Variants in SYN3 observed in about 807,000 individuals in gnomAD.
SYN3 encodes the protein synapsin-3.
Under a neutral mutation model 65.8 loss-of-function variants are expected in SYN3, and 35 were observed. The ratio of observed to expected loss-of-function variants is 0.53; its 90% confidence interval spans 0.41 to 0.70. The LOEUF (loss-of-function observed/expected upper bound fraction) is 0.70, where lower values mean the gene tolerates loss of function less well. Ranked by LOEUF, SYN3 falls within the 30% of genes least tolerant of loss-of-function variation. The pLI, the probability that SYN3 is intolerant of heterozygous loss-of-function variation, is 0.00. For synonymous variants in SYN3, 270 were observed against 292.9 expected, an observed-to-expected ratio of 0.92 and a Z score of 0.80; for missense variants, 680 against 749.0, an observed-to-expected ratio of 0.91 and a Z score of 1.08.
At chr22:32,880,491 G>A (rs2049100071) in intron 4 of SYN3, among the ~76,000 whole-genome samples, 1 of 152,150 alleles carries the variant, frequency 6.6e-6, no homozygotes, top group African/African-American at 2.4e-5. Flanking sequence ...AAGAGCGCTG[G>A]GCTTCTGTAT....
At chr22:32,580,257 G>A (rs2146485614) in intron 7 of SYN3, among the ~76,000 whole-genome samples, 1 of 152,324 alleles carries the variant, frequency 6.6e-6, no homozygotes, top group Non-Finnish European at 1.5e-5. Context: ...GGGTTAAGAA[G>A]AGTTTTCAAA....
chr22:32,829,497 G>A (rs898365546), intron 6 of SYN3, among the ~76,000 whole-genome samples: 8 of 152,282 alleles, frequency 5.3e-5, no homozygotes, highest in Admixed American at 1.3e-4. Flanking sequence ...GGAATTGATC[G>A]GTGCCAGATG....
chr22:32,901,184 T>C lies in SYN3; in HGVS notation c.461+30206A>G, dbSNP rs530452748. Reference sequence around the variant, plus strand: ...TAACAAGTACTTGAACATTGACTAATACACAGTTGCGTGTGACAAAGTGCC... The same window carrying C: ...TAACAAGTACTTGAACATTGACTAACACACAGTTGCGTGTGACAAAGTGCC... On this transcript the variant is annotated intron_variant, in intron 4 of 13. Coordinates refer to ENST00000358763, the MANE Select transcript of SYN3 (RefSeq NM_003490.4). Among the ~76,000 whole-genome samples the C allele has an allele frequency of 3.9e-5, 6 of 152,326 alleles. No individual in the cohort carries two copies. The South Asian group carries it at 1.0e-3, about 26-fold the overall frequency.
chr22:32,808,834 G>C (rs1448859403), intron 6 of SYN3, among the ~76,000 whole-genome samples: 1 of 152,162 alleles, frequency 6.6e-6, no homozygotes, highest in Non-Finnish European at 1.5e-5. Flanking sequence ...AAAGCTGCAT[G>C]GGAAACTCCC....
At chr22:32,761,013 G>C (rs1464728415) in intron 6 of SYN3, among the ~76,000 whole-genome samples, 2 of 152,158 alleles carry the variant, frequency 1.3e-5, no homozygotes, top group Non-Finnish European at 2.9e-5. Flanking sequence ...CCCTCTAGCA[G>C]GGGGAGCTCC....
chr22:32,629,009 AG>A (rs1358753019), intron 6 of SYN3, among the ~76,000 whole-genome samples: 3 of 152,186 alleles, frequency 2.0e-5, no homozygotes, highest in Admixed American at 6.5e-5. Context: ...CCTGATAGAA[AG>A]AGAACCTGGA....
chr22:32,751,949 C>T (rs188022059), intron 6 of SYN3, among the ~76,000 whole-genome samples: 6 of 152,268 alleles, frequency 3.9e-5, no homozygotes, highest in Admixed American at 6.5e-5. Flanking sequence ...ATAAATGATC[C>T]TTCTCTGAGG....
At chr22:32,600,351 G>A (rs187126336) in intron 6 of SYN3, among the ~76,000 whole-genome samples, 1,704 of 150,424 alleles carry the variant, frequency 0.011, 43 homozygotes, top group African/African-American at 0.04. Flanking sequence ...GGGCTCAGGC[G>A]GTCGTGCGAG....
intron 6 of SYN3, among the ~76,000 whole-genome samples, chr22:32,683,088 G>T (rs932320178): frequency 3.0e-4 from 46 of 152,320 alleles, no homozygotes; most frequent in African/African-American, 1.1e-3. Context: ...TGTGATGCGG[G>T]TTGCAGAGGA....
intron 4 of SYN3, among the ~76,000 whole-genome samples, chr22:32,897,704 C>G (rs1569311032): frequency 3.3e-5 from 5 of 152,206 alleles, no homozygotes; most frequent in Admixed American, 3.3e-4. Flanking sequence ...GCTTACCTCA[C>G]AGAGTTGTTA....
chr22:32,935,841 A>C (rs1465013213), intron 3 of SYN3, among the ~76,000 whole-genome samples: 3 of 152,222 alleles, frequency 2.0e-5, no homozygotes. Flanking sequence ...TAAGCTGTTC[A>C]ATATACTAGC....
At chr22:33,043,222 C>T (rs9609695) in intron 1 of SYN3, among the ~76,000 whole-genome samples, 25,801 of 152,092 alleles carry the variant, frequency 0.17, 2,531 homozygotes, top group East Asian at 0.41. Flanking sequence ...CTAAAGATGC[C>T]CCTACAAGGT....
At chr22:32,803,528 C>A (rs1170201989) in intron 6 of SYN3, among the ~76,000 whole-genome samples, 1 of 152,144 alleles carries the variant, frequency 6.6e-6, no homozygotes, top group African/African-American at 2.4e-5. Flanking sequence ...ACATCCTCCC[C>A]TCTCCTGGGG....
chr22:32,763,536 T>C (rs995537071), intron 6 of SYN3, among the ~76,000 whole-genome samples: 1 of 152,204 alleles, frequency 6.6e-6, no homozygotes, highest in Non-Finnish European at 1.5e-5. Flanking sequence ...AAGGCAACCC[T>C]ACACTGTTTA....
At chr22:32,614,967 GT>G (rs1267761524) in intron 6 of SYN3, among the ~76,000 whole-genome samples, 1 of 98,974 alleles carries the variant, frequency 1.0e-5, no homozygotes, top group African/African-American at 5.2e-5. Context: ...TCAGACAAAT[GT>G]TCCAAAAAAA....
chr22:32,561,542 C>T (rs2058586542), intron 7 of SYN3, among the ~76,000 whole-genome samples: 1 of 152,056 alleles, frequency 6.6e-6, no homozygotes. Flanking sequence ...GAGGACCTTT[C>T]AGTTGGGGGA....
intron 8 of SYN3, 135 bp from the exon 9 acceptor site, chr22:32,538,245 C>G: frequency 2.9e-6 from 2 of 691,422 alleles, no homozygotes; most frequent in African/African-American, 3.5e-5. Context: ...CTTACGTACA[C>G]ACCTTGTCTT....
intron 6 of SYN3, among the ~76,000 whole-genome samples, chr22:32,681,005 G>A (rs2060514801): frequency 6.6e-6 from 1 of 152,196 alleles, no homozygotes; most frequent in Non-Finnish European, 1.5e-5. Flanking sequence ...TTAAAGCTCA[G>A]CACAATCAAT....
intron 6 of SYN3, among the ~76,000 whole-genome samples, chr22:32,822,678 C>G (rs959522206): frequency 6.6e-6 from 1 of 152,148 alleles, no homozygotes; most frequent in East Asian, 1.9e-4. Context: ...ATCTGCACTT[C>G]CTCTTCTGCT....
Sources: allele counts gnomAD v4.1 joint callset (sites outside exome capture counted in the v4.1 genomes callset), GRCh38; gene constraint gnomAD v4.1.1; transcripts MANE v1.5; gene names NCBI Gene and HGNC (gene_info 2026-07-23, HGNC 2026-07-21).